Variants in MARCHF1 observed in about 807,000 individuals in gnomAD.
MARCHF1 encodes membrane associated ring-CH-type finger 1.
In MARCHF1, 40 loss-of-function variants were observed where a neutral mutation model predicts 54.2. The observed-to-expected ratio is 0.74, with a 90% CI of 0.57 to 0.96. The LOEUF is 0.96. Ranked by LOEUF, MARCHF1 falls within the 40% of genes least tolerant of loss-of-function variation. MARCHF1 has a pLI of 0.00. For synonymous variants in MARCHF1, 236 were observed against 236.3 expected (o/e 1.00, Z 0.01); for missense variants, 586 against 656.5 (o/e 0.89, Z 1.17).
chr4:163,701,653 C>G (rs1265076823), intron 4 of MARCHF1, among the ~76,000 whole-genome samples: 2 of 152,080 alleles, frequency 1.3e-5, no homozygotes, highest in Non-Finnish European at 2.9e-5. Context: ...AGATGATCAA[C>G]TGGAAAAATC....
chr4:164,083,726 A>C (rs1371411207), intron 2 of MARCHF1, among the ~76,000 whole-genome samples: 7 of 152,112 alleles, frequency 4.6e-5, no homozygotes, highest in African/African-American at 1.4e-4. Flanking sequence ...TCAGTGCTGA[A>C]TTCTAACACT....
At chr4:163,942,349 AG>A in intron 3 of MARCHF1, among the ~76,000 whole-genome samples, 1 of 152,264 alleles carries the variant, frequency 6.6e-6, no homozygotes, top group South Asian at 2.1e-4. Context: ...TCTGGGTAAG[AG>A]CACAGATATT....
At chr4:163,764,179 A>G (rs1445643956) in intron 4 of MARCHF1, among the ~76,000 whole-genome samples, 1 of 152,044 alleles carries the variant, frequency 6.6e-6, no homozygotes, top group Admixed American at 6.6e-5. Context: ...TTTGGATTCA[A>G]TGAGACTTAG....
In MARCHF1 at chr4:163,741,684, G is replaced by A. The variant is rs547542818; in HGVS notation, c.112-40821C>T. Among the ~76,000 whole-genome samples the A allele has an allele frequency of 5.9e-4, 89 of 152,112 alleles. 1 individual carries two copies. Among genetic ancestry groups the A allele is most frequent in the African/African-American group, 1.4e-3 (58 of 41,488 alleles). On this transcript the variant is annotated intron_variant, in intron 4 of 9. Transcript: ENST00000514618. ...GGTACTATATATTGTTTTCCTTCCC[G>A]TGTCACAGACAATTCCCTGTGGAAT... is the stretch of plus-strand genomic sequence containing the variant.
At chr4:163,556,332 GTA>G (rs1487082827) in intron 8 of MARCHF1, among the ~76,000 whole-genome samples, 1 of 152,108 alleles carries the variant, frequency 6.6e-6, no homozygotes, top group Admixed American at 6.5e-5. Context: ...ATTCTGTTGT[GTA>G]TGTTTAGAAA....
intron 4 of MARCHF1, among the ~76,000 whole-genome samples, chr4:163,717,557 T>C (rs546191202): frequency 6.6e-6 from 1 of 152,140 alleles, no homozygotes; most frequent in Non-Finnish European, 1.5e-5. Flanking sequence ...TTCTAGATCC[T>C]TGAGGAATCG....
At chr4:164,291,995 A>C (rs1455530710) in intron 1 of MARCHF1, among the ~76,000 whole-genome samples, 1 of 152,080 alleles carries the variant, frequency 6.6e-6, no homozygotes. Flanking sequence ...CTAAAGTCAC[A>C]ATTAATTAAT....
Position 163,689,626 on chromosome 4 carries a change from C to A in MARCHF1, c.162+11187G>T, listed in dbSNP as rs115926073. 5.4e-3 allele frequency among the ~76,000 whole-genome samples: 816 copies of A among 151,868 alleles called. 11 individuals carry two copies. The highest frequency in any genetic ancestry group is 0.019 in the African/African-American group (791 of 41,432). ...CAGTTCTAGAGTCAATAACTAACTA[C>A]TTGTTACTGTAAATTCACCTGCGTG... On this transcript the variant is annotated intron_variant, in intron 5 of 9. Transcript: ENST00000514618.
At chr4:163,821,677 A>G (rs1384291999) in intron 4 of MARCHF1, among the ~76,000 whole-genome samples, 1 of 152,054 alleles carries the variant, frequency 6.6e-6, no homozygotes, top group Non-Finnish European at 1.5e-5. Flanking sequence ...TTTAGAAATG[A>G]TTAATTCCAC....
chr4:163,864,001 C>T (rs1279336798), intron 3 of MARCHF1, among the ~76,000 whole-genome samples: 3 of 151,814 alleles, frequency 2.0e-5, no homozygotes, highest in Non-Finnish European at 2.9e-5. Flanking sequence ...CATAAACACC[C>T]ACAAGTCTAT....
intron 1 of MARCHF1, among the ~76,000 whole-genome samples, chr4:164,322,918 C>T (rs1735179907): frequency 1.3e-5 from 2 of 151,634 alleles, no homozygotes; most frequent in South Asian, 4.2e-4. Flanking sequence ...AATATGATTG[C>T]TAAATATGTA....
chr4:163,986,246 CTTCTTTTTTTTTTTTTTTTTTTTT>C (rs1752863715), intron 3 of MARCHF1, among the ~76,000 whole-genome samples: 2 of 73,758 alleles, frequency 2.7e-5, no homozygotes, highest in South Asian at 9.2e-4. Flanking sequence ...TAATTAACCT[CTTCTTTTTTTTTTTTTTTTTTTTT>C]TTTTTTTTTT....
chr4:164,296,997 A>G (rs1398399445), intron 1 of MARCHF1, among the ~76,000 whole-genome samples: 1 of 152,214 alleles, frequency 6.6e-6, no homozygotes, highest in Non-Finnish European at 1.5e-5. Flanking sequence ...TCTGTGTGAC[A>G]ATGGTCAAGT....
At chr4:164,258,216 G>C (rs1484460208) in intron 1 of MARCHF1, among the ~76,000 whole-genome samples, 2 of 152,002 alleles carry the variant, frequency 1.3e-5, no homozygotes, top group Non-Finnish European at 2.9e-5. Context: ...CGTGGACACA[G>C]GGAGGGGAAC....
In MARCHF1 at chr4:163,527,824, A is replaced by AATC. The variant is rs1307899847; in HGVS notation, c.*921_*923dup. Reference sequence around the variant, plus strand: ...AAGAAACAGATGTAAACTATCAATCAATCAATCAATTTTTTATATTGATGA... The same window carrying AATC: ...AAGAAACAGATGTAAACTATCAATCAATCATCAATCAATTTTTTATATTGATGA... On this transcript the variant is annotated 3_prime_UTR_variant, in exon 10 of 10. Coordinates refer to ENST00000514618, the MANE Select transcript of MARCHF1 (RefSeq NM_001394959.1). 1 of 143,294 alleles carries AATC rather than the reference A, an allele frequency of 7.0e-6. No homozygotes were observed. Among genetic ancestry groups the AATC allele is most frequent in the African/African-American group, 2.5e-5 (1 of 40,516 alleles). The allele number at this position is 143,294 out of a possible 1,614,324, so 8.9% of individuals were successfully genotyped here.
intron 5 of MARCHF1, among the ~76,000 whole-genome samples, chr4:163,665,776 C>A (rs1561006955): frequency 6.6e-6 from 1 of 152,120 alleles, no homozygotes; most frequent in East Asian, 1.9e-4. Context: ...AATAAACTCT[C>A]AAAGATACTT....
chr4:163,680,635 T>C (rs1462325063), intron 5 of MARCHF1, among the ~76,000 whole-genome samples: 1 of 152,226 alleles, frequency 6.6e-6, no homozygotes, highest in Non-Finnish European at 1.5e-5. Flanking sequence ...CCTTCCTCTG[T>C]GGAACTAGGA....
At chr4:164,242,590 T>C (rs576327019) in intron 1 of MARCHF1, among the ~76,000 whole-genome samples, 7,168 of 151,900 alleles carry the variant, frequency 0.047, 380 homozygotes, top group African/African-American at 0.16. Context: ...TCCAAAGGAA[T>C]GCAGTTCCTC....
intron 8 of MARCHF1, among the ~76,000 whole-genome samples, chr4:163,574,174 T>C (rs1241541814): frequency 6.6e-6 from 1 of 152,138 alleles, no homozygotes; most frequent in Non-Finnish European, 1.5e-5. Context: ...GTTTTTTCCT[T>C]GTAAATTTGT....
Sources: gnomAD v4.1 joint callset for allele counts (sites outside exome capture counted in the v4.1 genomes callset) on GRCh38, gnomAD v4.1.1 for gene constraint, MANE v1.5 for transcripts, NCBI Gene and HGNC (gene_info 2026-07-23, HGNC 2026-07-21) for gene names.